CAMK4: variants seen among roughly 807,000 people sequenced by gnomAD.
The protein encoded by CAMK4 is calcium/calmodulin dependent protein kinase IV.
CAMK4 carries 22 observed loss-of-function variants against 44.9 expected under a neutral mutation model. The ratio of observed to expected loss-of-function variants is 0.49; its 90% CI spans 0.35 to 0.70. The LOEUF is 0.70. Among genes scored for constraint, CAMK4 ranks in the 30% least tolerant of loss-of-function variants. The pLI is 0.01. For synonymous variants in CAMK4, 218 were observed against 215.4 expected, an observed-to-expected ratio of 1.01 and a Z score of -0.11; for missense variants, 498 against 586.8, an observed-to-expected ratio of 0.85 and a Z score of 1.56.
At chr5:111,400,312 GC>G (rs1457381882) in intron 5 of CAMK4, among the ~76,000 whole-genome samples, 1 of 152,160 alleles carries the variant, frequency 6.6e-6, no homozygotes, top group African/African-American at 2.4e-5. Context: ...TTTAAAACTT[GC>G]CAGAAATGGC....
At chr5:111,462,464 C>T (rs761568443) in intron 7 of CAMK4, among the ~76,000 whole-genome samples, 1 of 152,098 alleles carries the variant, frequency 6.6e-6, no homozygotes, top group Non-Finnish European at 1.5e-5. Context: ...CATCACACAG[C>T]AGGTGCTTAA....
chr5:111,335,777 T>A (rs1749375537), intron 1 of CAMK4, among the ~76,000 whole-genome samples: 1 of 151,280 alleles, frequency 6.6e-6, no homozygotes, highest in African/African-American at 2.4e-5. Flanking sequence ...CAGAACAATG[T>A]GTGGGGATAT....
intron 5 of CAMK4, among the ~76,000 whole-genome samples, chr5:111,443,267 TATATATATATATACACACACACAC>T (rs1197803095): frequency 1.2e-4 from 6 of 48,808 alleles, no homozygotes; most frequent in African/African-American, 4.5e-4. Flanking sequence ...TATATATATA[TATATATATATATACACACACACAC>T]ACACACACAC....
chr5:111,334,680 T>G (rs1409301055), intron 1 of CAMK4, among the ~76,000 whole-genome samples: 1 of 151,598 alleles, frequency 6.6e-6, no homozygotes, highest in Non-Finnish European at 1.5e-5. Flanking sequence ...CATTATATTT[T>G]CAACCTATGA....
chr5:111,354,979 C>T (rs1750274126), intron 2 of CAMK4, among the ~76,000 whole-genome samples: 1 of 152,214 alleles, frequency 6.6e-6, no homozygotes, highest in Admixed American at 6.6e-5. Context: ...ATGGATGGTT[C>T]AATCTGGATG....
chr5:111,364,945 C>T (rs1346272252), intron 2 of CAMK4: 1 of 152,244 alleles, frequency 6.6e-6, no homozygotes, highest in African/African-American at 2.4e-5. Flanking sequence ...TGTTCCAGCA[C>T]ACCATATCCA....
intron 2 of CAMK4, among the ~76,000 whole-genome samples, chr5:111,369,563 A>C (rs1376188240): frequency 2.0e-5 from 3 of 152,138 alleles, no homozygotes; most frequent in Admixed American, 1.3e-4. Flanking sequence ...TGTTTTGCAA[A>C]TCTCTTTACT....
intron 5 of CAMK4, among the ~76,000 whole-genome samples, chr5:111,412,048 CATAAT>C (rs1752650096): frequency 6.6e-6 from 1 of 151,944 alleles, no homozygotes; most frequent in African/African-American, 2.4e-5. Flanking sequence ...GATAAGGAAG[CATAAT>C]ATAATAATAA....
At chr5:111,330,097 T>C (rs1198868434) in intron 1 of CAMK4, among the ~76,000 whole-genome samples, 2 of 135,380 alleles carry the variant, frequency 1.5e-5, no homozygotes, top group African/African-American at 5.3e-5. Flanking sequence ...CCACCACCCC[T>C]ACAAAAAAAC....
Position 111,224,435 on chromosome 5 carries a change from GGGCAGCGGCGGC to G in CAMK4, c.-45_-34del. 1 of 1,534,488 alleles carries G rather than the reference GGGCAGCGGCGGC, an allele frequency of 6.5e-7. No individual in the cohort carries two copies. The highest frequency in any genetic ancestry group is 8.7e-7 in the Non-Finnish European group (1 of 1,143,978). On this transcript the variant is annotated 5_prime_UTR_variant, in exon 1 of 11. Transcript: ENST00000282356. This position sits in a 1 kb window ranked among gnomAD's most constrained non-coding sequence, Gnocchi z 5.7. Reference sequence around the variant, plus strand: ...GCGGCTGGCGGCCGGCTTCTCGCTCGGGCAGCGGCGGCGGCGGCGGCGGCGGCTTCCGGAGTC... The same window carrying G: ...GCGGCTGGCGGCCGGCTTCTCGCTCGGGCGGCGGCGGCGGCTTCCGGAGTC...
intron 1 of CAMK4, among the ~76,000 whole-genome samples, chr5:111,294,617 A>C (rs1447727745): frequency 6.6e-6 from 1 of 152,134 alleles, no homozygotes. Flanking sequence ...TGTCTAAACT[A>C]TGAAGACACA....
intron 1 of CAMK4, among the ~76,000 whole-genome samples, chr5:111,278,351 T>C (rs1750861716): frequency 6.6e-6 from 1 of 151,428 alleles, no homozygotes; most frequent in African/African-American, 2.4e-5. Flanking sequence ...GTCAGTTTCA[T>C]TATGAAATTA....
At chr5:111,242,647 TC>T (rs1749054097) in intron 1 of CAMK4, among the ~76,000 whole-genome samples, 1 of 152,130 alleles carries the variant, frequency 6.6e-6, no homozygotes, top group African/African-American at 2.4e-5. Flanking sequence ...GATGTGAAAG[TC>T]CTTTGCATGA....
intron 1 of CAMK4, among the ~76,000 whole-genome samples, chr5:111,289,640 A>G (rs1321139997): frequency 2.0e-5 from 3 of 152,240 alleles, no homozygotes; most frequent in Non-Finnish European, 4.4e-5. Context: ...ATAATTGGAC[A>G]CCAGTCTTTG....
In CAMK4 at chr5:111,494,261, G is replaced by C. The variant is rs1303291591; in HGVS notation, c.*9795G>C. ...TAAGTTTACACAACCAAGATTATAG[G>C]CTACCTTCCCAACTTCTAATTTGAA... On this transcript the variant is annotated 3_prime_UTR_variant, in exon 11 of 11. Coordinates refer to ENST00000282356, the MANE Select transcript of CAMK4 (RefSeq NM_001744.6). 1.3e-5 allele frequency: 2 copies of C among 152,132 alleles called. No homozygotes were observed. Among genetic ancestry groups the C allele is most frequent in the African/African-American group, 4.8e-5 (2 of 41,416 alleles). The allele number at this position is 152,132 out of a possible 1,614,324, so 9.4% of individuals were successfully genotyped here. A position where few individuals can be genotyped will look rare whatever the true frequency, so the allele number is the denominator to read the frequency against.
At chr5:111,377,107 G>C (rs1292953756) in intron 4 of CAMK4, among the ~76,000 whole-genome samples, 165 bp downstream of exon 4, 9 of 151,934 alleles carry the variant, frequency 5.9e-5, no homozygotes, top group South Asian at 2.1e-4. Context: ...GGTGGGTAGT[G>C]GTAAGATGTA....
At chr5:111,313,199 C>A (rs1462949760) in intron 1 of CAMK4, among the ~76,000 whole-genome samples, 1 of 152,046 alleles carries the variant, frequency 6.6e-6, no homozygotes, top group Non-Finnish European at 1.5e-5. Context: ...TGAAATATCC[C>A]TCTCCTCTGC....
intron 1 of CAMK4, among the ~76,000 whole-genome samples, chr5:111,274,296 A>T (rs998279032): frequency 1.3e-5 from 2 of 151,762 alleles, no homozygotes; most frequent in East Asian, 3.9e-4. Flanking sequence ...ATTTTTCTTT[A>T]TATTTATCAC....
intron 1 of CAMK4, among the ~76,000 whole-genome samples, chr5:111,340,943 G>A (rs911315982): frequency 2.7e-5 from 4 of 150,726 alleles, no homozygotes; most frequent in South Asian, 2.1e-4. Flanking sequence ...AGTCTTGGTA[G>A]GTTGTATGTA....
Sources: gnomAD v4.1 joint callset for allele counts (sites outside exome capture counted in the v4.1 genomes callset) on GRCh38, gnomAD v4.1.1 for gene constraint, Gnocchi (gnomAD v3.1) non-coding constraint, MANE v1.5 for transcripts, NCBI Gene and HGNC (gene_info 2026-07-23, HGNC 2026-07-21) for gene names.